Variants in INSL6 observed in about 807,000 individuals in gnomAD.
INSL6 encodes insulin-like peptide INSL6.
In INSL6, 16 loss-of-function variants were observed where a neutral mutation model predicts 9.4. The observed-to-expected ratio is 1.70, with a 90% CI of 1.15 to 2.59. The LOEUF (loss-of-function observed/expected upper bound fraction) is 2.59, where lower values mean the gene tolerates loss of function less well. Among genes scored for constraint, INSL6 ranks in the 30% most tolerant of loss-of-function variants. The pLI is 0.00. For synonymous variants in INSL6, 154 were observed against 96.9 expected, an observed-to-expected ratio of 1.59 and a Z score of -3.46; for missense variants, 391 against 257.3, an observed-to-expected ratio of 1.52 and a Z score of -3.56.
the INSL6 span, among the ~76,000 whole-genome samples, chr9:5,066,179 A>G: frequency 6.6e-6 from 1 of 152,132 alleles, no homozygotes; most frequent in South Asian, 2.1e-4. Flanking sequence ...GCTTCAGAAA[A>G]CATAAAAAAT....
chr9:5,026,800 T>A, the INSL6 span, among the ~76,000 whole-genome samples: 1 of 152,256 alleles, frequency 6.6e-6, no homozygotes, highest in Non-Finnish European at 1.5e-5. Flanking sequence ...GGTATTCTCT[T>A]GGTTTTTTAG....
chr9:5,104,194 A>G, the INSL6 span, among the ~76,000 whole-genome samples: 2 of 152,184 alleles, frequency 1.3e-5, no homozygotes, highest in African/African-American at 4.8e-5. Flanking sequence ...AAAAGAGAGA[A>G]GAATCAAATA....
At chr9:5,065,186 CAT>C in the INSL6 span, 1 of 455,516 alleles carries the variant, frequency 2.2e-6, no homozygotes, top group South Asian at 6.0e-5. Context: ...AATCAGATTA[CAT>C]AATAATTAGA....
the INSL6 span, among the ~76,000 whole-genome samples, chr9:5,058,051 C>G: frequency 3.9e-5 from 6 of 152,192 alleles, no homozygotes; most frequent in South Asian, 1.0e-3. Flanking sequence ...TGTATGTATT[C>G]TGTGTCATGT....
At chr9:5,071,453 A>G in the INSL6 span, among the ~76,000 whole-genome samples, 1 of 152,214 alleles carries the variant, frequency 6.6e-6, no homozygotes, top group East Asian at 1.9e-4. Flanking sequence ...AAATAACAAG[A>G]CATTGTTTTA....
Position 5,164,124 on chromosome 9 carries a change from T to C in INSL6, c.431A>G (p.Asn144Ser), listed in dbSNP as rs1427829667. The C allele has an allele frequency of 1.2e-6, 2 of 1,612,422 alleles. No individual in the cohort carries two copies. Among genetic ancestry groups the C allele is most frequent in the Non-Finnish European group, 1.7e-6 (2 of 1,179,490 alleles). ...TCTACGTTTCTTCTGAAATTTTGCATTCTCATGAATATATACATTGATATT... is the reference window on the plus strand; with the variant it reads ...TCTACGTTTCTTCTGAAATTTTGCACTCTCATGAATATATACATTGATATT... ...SHNINVYIHE[N>S]AKFQKKRRNK... is the part of the protein sequence containing the mutation. The change falls in exon 2 of 2, where the codon AAT becomes AGT. Residue 144 changes from asparagine (N) to serine (S), a missense_variant. By Grantham distance (46) the Asn-to-Ser change is conservative. Transcript: ENST00000381641.
At chr9:5,004,585 C>T in the INSL6 span, among the ~76,000 whole-genome samples, 2 of 152,116 alleles carry the variant, frequency 1.3e-5, no homozygotes, top group Admixed American at 1.3e-4. Flanking sequence ...AAGAATAATG[C>T]TGCAATGAGC....
At chr9:5,041,563 C>G in the INSL6 span, 2 of 521,332 alleles carry the variant, frequency 3.8e-6, no homozygotes, top group Non-Finnish European at 7.7e-6. Flanking sequence ...GAGATGGCTA[C>G]GTACCTGCAC....
intron 1 of INSL6, among the ~76,000 whole-genome samples, chr9:5,175,477 T>C (rs1267386457): frequency 6.6e-6 from 1 of 152,102 alleles, no homozygotes; most frequent in Non-Finnish European, 1.5e-5. Flanking sequence ...TAATGACTCC[T>C]TGCATCACCC....
At chr9:5,108,865 T>C in the INSL6 span, 10 of 152,170 alleles carry the variant, frequency 6.6e-5, no homozygotes, top group Non-Finnish European at 1.3e-4. Flanking sequence ...GTCACCCTTA[T>C]AATTACCCAT....
intron 3 of INSL6, among the ~76,000 whole-genome samples, chr9:5,131,604 A>G (rs1824289031): frequency 6.6e-6 from 1 of 151,630 alleles, no homozygotes; most frequent in Non-Finnish European, 1.5e-5. Flanking sequence ...CGCCCGGCTA[A>G]TTTTTTGTAT....
At chr9:5,167,073 C>A (rs369848191) in intron 1 of INSL6, among the ~76,000 whole-genome samples, 4 of 152,088 alleles carry the variant, frequency 2.6e-5, no homozygotes, top group South Asian at 4.2e-4. Flanking sequence ...CTCATTGGGA[C>A]TGACTAGGAG....
At chr9:5,127,921 T>C (rs1211816575) in intron 3 of INSL6, 1 of 232,374 alleles carries the variant, frequency 4.3e-6, no homozygotes, top group African/African-American at 2.2e-5. Flanking sequence ...TTAATTTTAT[T>C]CAAGAATGCC....
chr9:5,013,016 T>G, the INSL6 span, among the ~76,000 whole-genome samples: 1 of 152,164 alleles, frequency 6.6e-6, no homozygotes, highest in Non-Finnish European at 1.5e-5. Flanking sequence ...TGAAATATAG[T>G]TTGGAAGTAA....
chr9:5,078,404 T>C, the INSL6 span: 27 of 1,613,140 alleles, frequency 1.7e-5, no homozygotes, highest in Non-Finnish European at 2.3e-5. Flanking sequence ...TCATCAAACT[T>C]AGTGATCCTG....
intron 2 of INSL6, among the ~76,000 whole-genome samples, chr9:5,148,773 G>A (rs1365626014): frequency 6.6e-6 from 1 of 152,180 alleles, no homozygotes; most frequent in African/African-American, 2.4e-5. Context: ...TTTGGGGTTG[G>A]GTTCCTGGTG....
At chr9:5,132,315 G>C (rs772801272) in intron 3 of INSL6, among the ~76,000 whole-genome samples, 1 of 152,074 alleles carries the variant, frequency 6.6e-6, no homozygotes, top group Non-Finnish European at 1.5e-5. Context: ...TAGGAAAAAA[G>C]AATTTCAGTT....
chr9:5,086,662 A>G, the INSL6 span, among the ~76,000 whole-genome samples: 4 of 152,158 alleles, frequency 2.6e-5, no homozygotes, highest in Non-Finnish European at 2.9e-5. Flanking sequence ...TTTGAACTCT[A>G]TAATCCCATG....
chr9:5,123,327 A>C (rs1389341578), downstream of INSL6, among the ~76,000 whole-genome samples: 1 of 151,888 alleles, frequency 6.6e-6, no homozygotes, highest in Non-Finnish European at 1.5e-5. Context: ...CACCCTTCCA[A>C]GTCTCTATTG....
Sources: allele counts gnomAD v4.1 joint callset (sites outside exome capture counted in the v4.1 genomes callset), GRCh38; gene constraint gnomAD v4.1.1; transcripts MANE v1.5; gene names NCBI Gene and HGNC (gene_info 2026-07-23, HGNC 2026-07-21).